CSMD1: variants seen among roughly 807,000 people sequenced by gnomAD.
The protein encoded by CSMD1 is CUB and sushi domain-containing protein 1.
A neutral mutation model predicts 417.5 loss-of-function variants in CSMD1; 213 were observed. That is an observed-to-expected ratio of 0.51 (90% CI 0.46 to 0.57). The LOEUF is 0.57. CSMD1 is among the 20% of genes least tolerant of loss of function. CSMD1 has a pLI of 0.00. For missense variants in CSMD1, 6,923 were observed against 4,529.7 expected (o/e 1.53, Z -15.17); for synonymous variants, 2,862 against 1,736.8 (o/e 1.65, Z -16.11).
intron 23 of CSMD1, among the ~76,000 whole-genome samples, chr8:3,320,608 T>C (rs925320776): frequency 2.6e-5 from 4 of 152,158 alleles, no homozygotes; most frequent in African/African-American, 9.7e-5. Flanking sequence ...AGCCAGGTGG[T>C]CAATTCCAGA....
intron 5 of CSMD1, among the ~76,000 whole-genome samples, chr8:3,868,250 A>C (rs1391429119): frequency 6.6e-6 from 1 of 151,974 alleles, no homozygotes; most frequent in Non-Finnish European, 1.5e-5. Context: ...TCTCCATTTA[A>C]CTTTATGACC....
chr8:4,634,097 C>T (rs990488784), intron 2 of CSMD1, among the ~76,000 whole-genome samples: 2 of 151,650 alleles, frequency 1.3e-5, no homozygotes, highest in African/African-American at 2.4e-5. Flanking sequence ...CCTGTGCTTA[C>T]CAAGAGAGGT....
At chr8:4,800,104 G>A (rs886246795) in intron 1 of CSMD1, among the ~76,000 whole-genome samples, 2 of 152,034 alleles carry the variant, frequency 1.3e-5, no homozygotes, top group Non-Finnish European at 2.9e-5. Flanking sequence ...TTTATATAAA[G>A]CGTATCCTTT....
chr8:3,315,179 T>A (rs1185138024), intron 23 of CSMD1, among the ~76,000 whole-genome samples: 1 of 152,192 alleles, frequency 6.6e-6, no homozygotes, highest in Non-Finnish European at 1.5e-5. Context: ...GGGACAGTGT[T>A]TTCACACCAT....
chr8:3,654,727 C>T (rs961767716), intron 7 of CSMD1, among the ~76,000 whole-genome samples: 10 of 152,298 alleles, frequency 6.6e-5, no homozygotes, highest in African/African-American at 2.4e-4. Context: ...GGCATCTCTG[C>T]AGGTGATGAA....
chr8:3,032,536 G>C (rs1810408403), intron 50 of CSMD1, among the ~76,000 whole-genome samples: 1 of 152,078 alleles, frequency 6.6e-6, no homozygotes, highest in Admixed American at 6.6e-5. Context: ...TCTGATAACA[G>C]AACTGTGACT....
chr8:4,704,584 A>T (rs572242947), intron 1 of CSMD1, among the ~76,000 whole-genome samples: 6 of 152,206 alleles, frequency 3.9e-5, no homozygotes, highest in Non-Finnish European at 8.8e-5. Flanking sequence ...ACCAAACATA[A>T]CCACATCGAT....
chr8:3,528,881 T>C (rs1221675964), intron 10 of CSMD1, among the ~76,000 whole-genome samples: 3 of 152,246 alleles, frequency 2.0e-5, no homozygotes, highest in East Asian at 3.8e-4. Context: ...GTATGTATTA[T>C]AACTGTGCAT....
intron 10 of CSMD1, among the ~76,000 whole-genome samples, chr8:3,564,983 C>T (rs1799636539): frequency 7.0e-6 from 1 of 143,554 alleles, no homozygotes; most frequent in South Asian, 2.2e-4. Context: ...CTAAGGAATG[C>T]TGGGCTTAAT....
chr8:3,301,324 G>T (rs1213446288), intron 25 of CSMD1, among the ~76,000 whole-genome samples: 1 of 152,082 alleles, frequency 6.6e-6, no homozygotes, highest in African/African-American at 2.4e-5. Flanking sequence ...GCAGGGAGGA[G>T]AGTTTGGGAG....
In CSMD1 at chr8:3,708,484, C is replaced by A; in HGVS notation, c.939G>T (p.Lys313Asn). Residue 313 changes from lysine (K) to asparagine (N), a missense_variant, in exon 7 of 70, where the codon AAG (lysine) becomes AAT (asparagine). By Grantham distance (94) the Lys-to-Asn change is moderately conservative. Transcript: ENST00000635120. ...KGFNAQFQVK[K>N]AIELKSRGVK... ...CTCCTCTTGACTTCAACTCAATCGC[C>A]TTTTTCACTGGAAGAAACAAAACCA... is the stretch of plus-strand genomic sequence containing the variant. 6.2e-7 allele frequency: 1 copy of A among 1,613,868 alleles called. No homozygotes were observed. The highest frequency in any genetic ancestry group is 8.5e-7 in the Non-Finnish European group (1 of 1,179,844).
intron 3 of CSMD1, among the ~76,000 whole-genome samples, chr8:4,184,473 A>T (rs7825237): frequency 0.83 from 126,938 of 152,080 alleles, 53,178 homozygotes; most frequent in South Asian, 0.94. Flanking sequence ...AAAGGCCACC[A>T]ATGGCAGACT....
In CSMD1 at chr8:3,939,849, T is replaced by G. The variant is rs562011091; in HGVS notation, c.818+58054A>C. Among the ~76,000 whole-genome samples, 11 of 152,082 alleles carry G rather than the reference T, an allele frequency of 7.2e-5. No individual in the cohort carries two copies. The East Asian group carries it at 1.9e-3, about 27-fold the overall frequency. On this transcript the variant is annotated intron_variant, in intron 5 of 69. Transcript: ENST00000635120. Reference sequence around the variant, plus strand: ...AGGCATAATAATAATATAATGGACATTGGGTATTGGGAGAAGGGTAGGAAG... The same window carrying G: ...AGGCATAATAATAATATAATGGACAGTGGGTATTGGGAGAAGGGTAGGAAG...
chr8:2,978,799 C>G lies in CSMD1; in HGVS notation c.8379G>C (p.Val2793=). The G allele has an allele frequency of 6.3e-7, 1 of 1,596,008 alleles. No homozygotes were observed. The highest frequency in any genetic ancestry group is 8.5e-7 in the Non-Finnish European group (1 of 1,171,968). ...CAAAGCCTGGATCAGAACAGTTCAC[C>G]ACTAGAAAATAAAACATTTCACACA... ...QWSSPLPTCR[V]VNCSDPGFVE... Residue 2793 remains valine, a splice_region_variant and synonymous_variant, in exon 55 of 70, where the codon GTG becomes GTC. Coordinates refer to ENST00000635120, the MANE Select transcript of CSMD1 (RefSeq NM_033225.6).
chr8:4,723,445 T>C (rs905424491), intron 1 of CSMD1, among the ~76,000 whole-genome samples: 1 of 152,178 alleles, frequency 6.6e-6, no homozygotes, highest in African/African-American at 2.4e-5. Context: ...ATGTGAAATA[T>C]ACCTGATACT....
intron 8 of CSMD1, among the ~76,000 whole-genome samples, chr8:3,589,715 T>C (rs1006044364): frequency 4.6e-5 from 7 of 152,142 alleles, no homozygotes; most frequent in African/African-American, 1.2e-4. Flanking sequence ...TAACAGCATA[T>C]TGTATACTTG....
chr8:4,209,136 T>G (rs771057982), intron 3 of CSMD1, among the ~76,000 whole-genome samples: 1 of 152,204 alleles, frequency 6.6e-6, no homozygotes, highest in Non-Finnish European at 1.5e-5. Context: ...TCATGATTTC[T>G]ATCTAAAACC....
chr8:3,810,706 G>C (rs1481291774), intron 5 of CSMD1, among the ~76,000 whole-genome samples: 1 of 152,178 alleles, frequency 6.6e-6, no homozygotes, highest in Non-Finnish European at 1.5e-5. Context: ...TTTATCTCTT[G>C]TAAAACATTG....
rs145364472 is a variant in CSMD1 at position 3,391,493 on chromosome 8, A to G, written c.2594-3811T>C. 2.0e-4 allele frequency among the ~76,000 whole-genome samples: 31 copies of G among 152,346 alleles called. 1 individual carries two copies. In the East Asian group the frequency reaches 4.2e-3, roughly 21 times the overall value. On this transcript the variant is annotated intron_variant, in intron 17 of 69. Coordinates refer to ENST00000635120, the MANE Select transcript of CSMD1 (RefSeq NM_033225.6). ...AAGCAGATGATCATTCTGGAGCGAG[A>G]ATGCAATCGCTATTATATACAGACA...
Sources: gnomAD v4.1 joint callset for allele counts (sites outside exome capture counted in the v4.1 genomes callset) on GRCh38, gnomAD v4.1.1 for gene constraint, MANE v1.5 for transcripts, NCBI Gene and HGNC (gene_info 2026-07-23, HGNC 2026-07-21) for gene names.